The following VAPA variants were observed in gnomAD, a reference collection of about 807,000 sequenced individuals.
VAPA encodes VAMP associated protein A.
A neutral mutation model predicts 25.6 loss-of-function variants in VAPA; 6 were observed. The ratio of observed to expected loss-of-function variants is 0.23; its 90% CI spans 0.13 to 0.46. The LOEUF (loss-of-function observed/expected upper bound fraction) is 0.46, where lower values mean the gene tolerates loss of function less well. Among genes scored for constraint, VAPA ranks in the 20% least tolerant of loss-of-function variants. The pLI, the probability that VAPA is intolerant of heterozygous loss-of-function variation, is 0.99. For missense variants in VAPA, 244 were observed against 302.1 expected (o/e 0.81, Z 1.43); for synonymous variants, 112 against 106.2 (o/e 1.05, Z -0.34).
In VAPA at chr18:9,931,943, G is replaced by A; in HGVS notation, c.213G>A (p.Gly71=). 6.2e-7 allele frequency: 1 copy of A among 1,603,272 alleles called. No individual in the cohort carries two copies. The change falls in exon 2 of 6, where the codon GGG becomes GGA. Residue 71 remains glycine, a synonymous_variant. Coordinates refer to ENST00000400000, the MANE Select transcript of VAPA (RefSeq NM_194434.3). ...CCAACAGTGGAATTATTGACCCAGG[G>A]TCAACTGTGACTGTTTCAGGTAGCA... ...VRPNSGIIDP[G]STVTVSVMLQ...
chr18:9,925,510 A>G (rs2069193405), intron 1 of VAPA, among the ~76,000 whole-genome samples: 1 of 152,138 alleles, frequency 6.6e-6, no homozygotes, highest in Non-Finnish European at 1.5e-5. Flanking sequence ...CTCTATTTGT[A>G]CAAAAATATT....
At chr18:9,932,302 A>G (rs1021842323) in intron 2 of VAPA, among the ~76,000 whole-genome samples, 23 of 152,348 alleles carry the variant, frequency 1.5e-4, no homozygotes, top group Middle Eastern at 3.4e-3. Context: ...GATCATGATC[A>G]TATTACACAT....
At chr18:9,923,476 A>G (rs1022761919) in intron 1 of VAPA, among the ~76,000 whole-genome samples, 4 of 152,188 alleles carry the variant, frequency 2.6e-5, no homozygotes, top group East Asian at 3.8e-4. Context: ...TCATGGGCCT[A>G]TGTTTTGACA....
intron 4 of VAPA, among the ~76,000 whole-genome samples, chr18:9,943,541 A>ATTG (rs1341117878): frequency 6.6e-6 from 1 of 152,134 alleles, no homozygotes; most frequent in Admixed American, 6.5e-5. Flanking sequence ...TGTTCCCTGT[A>ATTG]TTGTTGACAG....
chr18:9,927,115 A>C (rs683018), intron 1 of VAPA, among the ~76,000 whole-genome samples: 40,383 of 152,084 alleles, frequency 0.27, 6,039 homozygotes, highest in Middle Eastern at 0.4. Context: ...ACTAAAGTTG[A>C]TATGCATACT....
Position 9,954,277 on chromosome 18 carries a change from C to G in VAPA, c.*66C>G. Reference sequence around the variant, plus strand: ...CTTGACCAGAAAAAGATTTGTTTACCTACCATTTCATTGGTAGTATGGCCC... The same window carrying G: ...CTTGACCAGAAAAAGATTTGTTTACGTACCATTTCATTGGTAGTATGGCCC... On this transcript the variant is annotated 3_prime_UTR_variant, in exon 6 of 6. Coordinates refer to ENST00000400000, the MANE Select transcript of VAPA (RefSeq NM_194434.3). 1 of 1,455,602 alleles carries G rather than the reference C, an allele frequency of 6.9e-7. No homozygotes were observed. The highest frequency in any genetic ancestry group is 9.3e-7 in the Non-Finnish European group (1 of 1,073,496). The allele number at this position is 1,455,602 out of a possible 1,614,324, so 90.2% of individuals were successfully genotyped here.
At chr18:9,925,306 G>T (rs1349221355) in intron 1 of VAPA, among the ~76,000 whole-genome samples, 1 of 152,006 alleles carries the variant, frequency 6.6e-6, no homozygotes, top group East Asian at 1.9e-4. Context: ...GTATAATATG[G>T]ACAGTGAGGC....
chr18:9,951,398 A>G (rs1402094984), intron 5 of VAPA: 1 of 152,234 alleles, frequency 6.6e-6, no homozygotes, highest in Non-Finnish European at 1.5e-5. Context: ...TTGTGCCTCC[A>G]CTATGCTGAT....
intron 1 of VAPA, among the ~76,000 whole-genome samples, chr18:9,929,255 T>C (rs1339726639): frequency 6.6e-6 from 1 of 152,142 alleles, no homozygotes; most frequent in Non-Finnish European, 1.5e-5. Context: ...AGTACTTCAT[T>C]GTGTGGGTCT....
chr18:9,926,242 TACTC>T (rs879220902), intron 1 of VAPA, among the ~76,000 whole-genome samples: 4 of 152,176 alleles, frequency 2.6e-5, no homozygotes, highest in East Asian at 3.8e-4. Context: ...ATGCCACAGA[TACTC>T]AGCAGCATAA....
intron 1 of VAPA, among the ~76,000 whole-genome samples, chr18:9,918,923 G>T (rs1599095668): frequency 6.6e-6 from 1 of 152,040 alleles, no homozygotes; most frequent in Admixed American, 6.5e-5. Flanking sequence ...TTGAGATGGG[G>T]TCTTGCTCAG....
At chr18:9,934,217 T>C (rs2069285584) in intron 2 of VAPA, among the ~76,000 whole-genome samples, 2 of 152,262 alleles carry the variant, frequency 1.3e-5, no homozygotes, top group Admixed American at 1.3e-4. Flanking sequence ...TCTTTTTCCC[T>C]GTGTCCTTTT....
At position 9,914,127 on chromosome 18, in the gene VAPA, G is replaced by C; in HGVS notation, c.-130G>C. The C allele has an allele frequency of 1.4e-6, 1 of 704,216 alleles. No homozygotes were observed. Among genetic ancestry groups the C allele is most frequent in the Non-Finnish European group, 2.2e-6 (1 of 448,832 alleles). 43.6% of individuals were successfully genotyped at this position (704,216 alleles called of 1,614,324 possible). Reference sequence around the variant, plus strand: ...CACCGAACCGGTGACACAGCGGCAGGCGTTAGGGCTCGGGAGCCGCGAGCC... The same window carrying C: ...CACCGAACCGGTGACACAGCGGCAGCCGTTAGGGCTCGGGAGCCGCGAGCC... On this transcript the variant is annotated 5_prime_UTR_variant, in exon 1 of 6. Transcript: ENST00000400000.
rs920062724 is a variant in VAPA at position 9,958,006 on chromosome 18, GAAA to G, written c.*3798_*3800del. 6.6e-6 allele frequency: 1 copy of G among 152,172 alleles called. No individual in the cohort carries two copies. The highest frequency in any genetic ancestry group is 2.4e-5 in the African/African-American group (1 of 41,436). 9.4% of individuals were successfully genotyped at this position (152,172 alleles called of 1,614,324 possible). A position where few individuals can be genotyped will look rare whatever the true frequency, so the allele number is the denominator to read the frequency against. On this transcript the variant is annotated 3_prime_UTR_variant, in exon 6 of 6. Transcript: ENST00000400000. ...AGAAGTATAAACATATATCACTAAG[GAAA>G]AAGAAAGTTTGTCTTGCCCTTCTGA...
chr18:9,954,158 G>A lies in VAPA; in HGVS notation c.697G>A (p.Val233Ile). Residue 233 changes from valine to isoleucine, a missense_variant, in exon 6 of 6, where the codon GTT becomes ATT. Val to Ile is a conservative substitution (Grantham distance 29, BLOSUM62 3). Coordinates refer to ENST00000400000, the MANE Select transcript of VAPA (RefSeq NM_194434.3). ...CACCAGTCCTCTTCCTTCACTTCTTGTTGTAATTGCAGCCATTTTCATTGG... is the reference window on the plus strand; with the variant it reads ...CACCAGTCCTCTTCCTTCACTTCTTATTGTAATTGCAGCCATTTTCATTGG... ...NVTSPLPSLL[V>I]VIAAIFIGFF... 6.2e-7 allele frequency: 1 copy of A among 1,613,342 alleles called. No homozygotes were observed. The highest frequency in any genetic ancestry group is 8.5e-7 in the Non-Finnish European group (1 of 1,179,768).
At chr18:9,942,925 C>T (rs9950071) in intron 4 of VAPA, among the ~76,000 whole-genome samples, 11,855 of 152,176 alleles carry the variant, frequency 0.078, 522 homozygotes, top group African/African-American at 0.1. Flanking sequence ...GGACACAGAT[C>T]CAAACCATAT....
chr18:9,943,028 C>T (rs1291623347), intron 4 of VAPA, among the ~76,000 whole-genome samples: 1 of 151,946 alleles, frequency 6.6e-6, no homozygotes, highest in Admixed American at 6.5e-5. Context: ...GTTTGGAACA[C>T]ATGAAAAAAG....
rs1299752187 is a variant in VAPA at position 9,956,382 on chromosome 18, T to G, written c.*2171T>G. On this transcript the variant is annotated 3_prime_UTR_variant, in exon 6 of 6. Coordinates refer to ENST00000400000, the MANE Select transcript of VAPA (RefSeq NM_194434.3). ...TGTAAGACTACTACCGGCTTACTGTTGAATAGTTTGGTTATAGTGTTTAGG... is the reference window on the plus strand; with the variant it reads ...TGTAAGACTACTACCGGCTTACTGTGGAATAGTTTGGTTATAGTGTTTAGG... 1 of 152,266 alleles carries G rather than the reference T, an allele frequency of 6.6e-6. No individual in the cohort carries two copies. The highest frequency in any genetic ancestry group is 1.9e-4 in the East Asian group (1 of 5,206). The allele number at this position is 152,266 out of a possible 1,614,324, so 9.4% of individuals were successfully genotyped here.
intron 4 of VAPA, among the ~76,000 whole-genome samples, chr18:9,943,841 CTTTTTTTTTTTTTTTTTT>C (rs71169911): frequency 0.017 from 896 of 51,760 alleles, 11 homozygotes; most frequent in Non-Finnish European, 0.024. Flanking sequence ...ACATATTTCC[CTTTTTTTTTTTTTTTTTT>C]TTTTTTTTTT....
Sources: gnomAD v4.1 joint callset for allele counts (sites outside exome capture counted in the v4.1 genomes callset) on GRCh38, gnomAD v4.1.1 for gene constraint, MANE v1.5 for transcripts, NCBI Gene and HGNC (gene_info 2026-07-23, HGNC 2026-07-21) for gene names.